AKNAD1: variants seen among roughly 807,000 people sequenced by gnomAD.
The protein encoded by AKNAD1 is protein AKNAD1.
In AKNAD1, 67 loss-of-function variants were observed where a neutral mutation model predicts 90.8. The ratio of observed to expected loss-of-function variants is 0.74; its 90% CI spans 0.61 to 0.90. AKNAD1 has a LOEUF of 0.90. Among genes scored for constraint, AKNAD1 ranks in the 40% least tolerant of loss-of-function variants. AKNAD1 has a pLI of 0.00. For missense variants in AKNAD1, 957 were observed against 975.4 expected (o/e 0.98, Z 0.25); for synonymous variants, 327 against 341.4 (o/e 0.96, Z 0.46).
rs369103323 is a variant in AKNAD1, at chr1:108,828,591, C to T, written c.1839-1289G>A. On this transcript the variant is annotated intron_variant, in intron 10 of 15. Coordinates refer to ENST00000370001, the MANE Select transcript of AKNAD1 (RefSeq NM_152763.5). ...CATTGCTGGGCAAACACATGCTCGC[C>T]GCGCTGTGCCCTGGCCTGCTGTTGG... Among the ~76,000 whole-genome samples, 326 of 151,948 alleles carry T rather than the reference C, an allele frequency of 2.1e-3. 5 individuals carry two copies. The highest frequency in any genetic ancestry group is 7.5e-3 in the African/African-American group (312 of 41,564).
chr1:108,837,911 A>G (rs1439929955), intron 6 of AKNAD1, among the ~76,000 whole-genome samples: 1 of 152,184 alleles, frequency 6.6e-6, no homozygotes. Context: ...TTAGCTGCGT[A>G]TCCTTGTATA....
chr1:108,852,413 T>G lies in AKNAD1; in HGVS notation c.252A>C (p.Lys84Asn). The change falls in exon 2 of 16, where the codon AAA (lysine) becomes AAC (asparagine). Residue 84 changes from lysine to asparagine, a missense_variant. Physicochemically the swap from Lys to Asn is moderately conservative, Grantham distance 94. Transcript: ENST00000370001. ...GKITENAANK[K>N]DEKEKQCTAA... Reference sequence around the variant, plus strand: ...CAGTGCATTGTTTCTCTTTCTCGTCTTTTTTGTTGGCAGCATTTTCAGTAA... The same window carrying G: ...CAGTGCATTGTTTCTCTTTCTCGTCGTTTTTGTTGGCAGCATTTTCAGTAA... 1 of 1,613,684 alleles carries G rather than the reference T, an allele frequency of 6.2e-7. No individual in the cohort carries two copies. The highest frequency in any genetic ancestry group is 8.5e-7 in the Non-Finnish European group (1 of 1,179,852).
At chr1:108,835,387 G>A (rs1184682799) in intron 7 of AKNAD1, among the ~76,000 whole-genome samples, 2 of 152,218 alleles carry the variant, frequency 1.3e-5, no homozygotes, top group African/African-American at 2.4e-5. Context: ...TTTTCAGTAC[G>A]TTACTTATAT....
intron 5 of AKNAD1, among the ~76,000 whole-genome samples, chr1:108,843,727 T>A (rs1008784439): frequency 6.6e-6 from 1 of 152,198 alleles, no homozygotes; most frequent in Non-Finnish European, 1.5e-5. Flanking sequence ...GGCACATAGA[T>A]CTTAAAAAGG....
intron 1 of AKNAD1, among the ~76,000 whole-genome samples, 195 bp from the exon 2 acceptor site, chr1:108,852,962 G>A (rs17621489): frequency 0.075 from 11,221 of 149,268 alleles, 463 homozygotes; most frequent in Non-Finnish European, 0.087. Flanking sequence ...AAGGAATGGG[G>A]GAAAAAAAAA....
Position 108,852,492 on chromosome 1 carries a change from G to A in AKNAD1, c.173C>T (p.Ala58Val). 2 of 1,614,028 alleles carry A rather than the reference G, an allele frequency of 1.2e-6. No homozygotes were observed. The highest frequency in any genetic ancestry group is 1.7e-6 in the Non-Finnish European group (2 of 1,179,972). Residue 58 changes from alanine to valine, a missense_variant, in exon 2 of 16, where the codon GCT (alanine) becomes GTT (valine). Ala to Val is a moderately conservative substitution (Grantham distance 64). Transcript: ENST00000370001. The part of the protein sequence containing the change: ...IFIADDPQEK[A>V]MHSETCGNTA... ...ATTTCCACAAGTCTCACTATGCATAGCCTTCTCTTGAGGGTCATCTGCTAT... is the reference window on the plus strand; with the variant it reads ...ATTTCCACAAGTCTCACTATGCATAACCTTCTCTTGAGGGTCATCTGCTAT...
Position 108,852,544 on chromosome 1 carries a change from G to A in AKNAD1, c.121C>T (p.Leu41Phe). ...DYSFTSKKDG[L>F]EVLNQIIFIA... ...AAAATAATTTGATTTAAGACTTCAA[G>A]GCCATCCTTTTTTGAGGTAAAACTG... Residue 41 changes from leucine to phenylalanine, a missense_variant, in exon 2 of 16, where the codon CTT (leucine) becomes TTT (phenylalanine). By Grantham distance (22) the Leu-to-Phe change is conservative (BLOSUM62 0). Transcript: ENST00000370001. 1 of 1,614,146 alleles carries A rather than the reference G, an allele frequency of 6.2e-7. No individual in the cohort carries two copies. Among genetic ancestry groups the A allele is most frequent in the East Asian group, 2.2e-5 (1 of 44,890 alleles).
rs755839043 is a variant in AKNAD1 at position 108,820,590 on chromosome 1, A to G, written c.2204T>C (p.Val735Ala). 2 of 1,611,456 alleles carry G rather than the reference A, an allele frequency of 1.2e-6. No homozygotes were observed. Among genetic ancestry groups the G allele is most frequent in the South Asian group, 2.2e-5 (2 of 90,828 alleles). The change falls in exon 14 of 16, where the codon GTG becomes GCG. Residue 735 changes from valine (V) to alanine (A), a missense_variant. Coordinates refer to ENST00000370001, the MANE Select transcript of AKNAD1 (RefSeq NM_152763.5). ...LKPKRICSQR[V>A]NSKSFKGEHE... is the part of the protein sequence containing the mutation. ...TTCACCTTTAAAGGATTTTGAATTC[A>G]CTCTCTGAGAACAGATCCGTTTGGG...
chr1:108,837,428 G>T, intron 7 of AKNAD1, 122 bp downstream of exon 7: 2 of 978,352 alleles, frequency 2.0e-6, no homozygotes, highest in Non-Finnish European at 3.0e-6. Flanking sequence ...ATGGGACTTT[G>T]GAAAGTTAAA....
rs1664026816 is a variant in AKNAD1 at position 108,827,220 on chromosome 1, A to C, written c.1921T>G (p.Ser641Ala). The part of the protein sequence containing the change: ...SIVLHEKAPH[S>A]DSTPNSDTGH... ...ATCAACTTACTGGGAGTTGAATCTG[A>C]GTGTGGTGCCTTTTCATGAAGGACA... is the stretch of plus-strand genomic sequence containing the variant. The change falls in exon 11 of 16, where the codon TCA (serine) becomes GCA (alanine). Residue 641 changes from serine to alanine, a missense_variant. By Grantham distance (99) the Ser-to-Ala change is moderately conservative (BLOSUM62 1). Coordinates refer to ENST00000370001, the MANE Select transcript of AKNAD1 (RefSeq NM_152763.5). The C allele has an allele frequency of 6.2e-7, 1 of 1,610,840 alleles. No homozygotes were observed. Among genetic ancestry groups the C allele is most frequent in the Non-Finnish European group, 8.5e-7 (1 of 1,178,646 alleles).
chr1:108,858,194 C>T (rs35662800), upstream of AKNAD1: 1 of 152,576 alleles, frequency 6.6e-6, no homozygotes, highest in East Asian at 1.9e-4. Context: ...AGAACAAAAA[C>T]GGAGCTTCAA....
intron 10 of AKNAD1, 24 bp downstream of exon 10, chr1:108,830,534 GA>G: frequency 6.2e-7 from 1 of 1,610,794 alleles, no homozygotes; most frequent in Non-Finnish European, 8.5e-7. Flanking sequence ...TCCACCCTGG[GA>G]ATGTAGCCAC....
chr1:108,816,939 AT>A, intron 15 of AKNAD1, 108 bp downstream of exon 15: 1 of 1,347,908 alleles, frequency 7.4e-7, no homozygotes, highest in South Asian at 1.4e-5. Flanking sequence ...TTAGCAGAGC[AT>A]TTTCTGAAGC....
At chr1:108,833,694 A>AT (rs35414354) in intron 9 of AKNAD1, among the ~76,000 whole-genome samples, 23,104 of 151,256 alleles carry the variant, frequency 0.15, 2,088 homozygotes, top group African/African-American at 0.25. Flanking sequence ...ATTTAAAAAA[A>AT]AAGGGTTTTT....
intron 10 of AKNAD1, among the ~76,000 whole-genome samples, chr1:108,830,171 G>T (rs1256303102): frequency 1.3e-5 from 2 of 152,072 alleles, no homozygotes; most frequent in East Asian, 3.9e-4. Context: ...CCCCATGTGG[G>T]CAATGATCAA....
intron 9 of AKNAD1, among the ~76,000 whole-genome samples, chr1:108,833,024 C>T (rs1413508782): frequency 1.3e-5 from 2 of 152,018 alleles, no homozygotes; most frequent in African/African-American, 4.8e-5. Flanking sequence ...AATGATGTTA[C>T]CTGAAGCAGT....
chr1:108,843,372 G>T (rs556077834), intron 5 of AKNAD1, 105 bp from the exon 6 acceptor site: 2 of 1,369,422 alleles, frequency 1.5e-6, no homozygotes, highest in African/African-American at 2.9e-5. Context: ...TCAAAACAAA[G>T]CTGCCATCCT....
intron 6 of AKNAD1, among the ~76,000 whole-genome samples, chr1:108,841,433 T>C (rs1570817631): frequency 6.6e-6 from 1 of 152,162 alleles, no homozygotes; most frequent in Non-Finnish European, 1.5e-5. Flanking sequence ...CTGATGAAGG[T>C]AGAACCCCAT....
chr1:108,831,434 A>T (rs1664190300), intron 9 of AKNAD1, among the ~76,000 whole-genome samples: 1 of 152,192 alleles, frequency 6.6e-6, no homozygotes, highest in Admixed American at 6.5e-5. Context: ...TGCTTTCCAC[A>T]AAAGTTGTAC....
Sources: gnomAD v4.1 joint callset for allele counts (sites outside exome capture counted in the v4.1 genomes callset) on GRCh38, gnomAD v4.1.1 for gene constraint, MANE v1.5 for transcripts, NCBI Gene and HGNC (gene_info 2026-07-23, HGNC 2026-07-21) for gene names.